QTMAN: variants seen among roughly 807,000 people sequenced by gnomAD.
The protein encoded by QTMAN is tRNA-queuosine alpha-mannosyltransferase.
chr2:144,328,733 T>C, the QTMAN span, among the ~76,000 whole-genome samples: 1 of 152,112 alleles, frequency 6.6e-6, no homozygotes, highest in Non-Finnish European at 1.5e-5. Flanking sequence ...CATCCTACTC[T>C]ACCGTACAAC....
the QTMAN span, among the ~76,000 whole-genome samples, chr2:144,254,412 A>T: frequency 1.3e-5 from 2 of 152,054 alleles, no homozygotes; most frequent in Non-Finnish European, 2.9e-5. Flanking sequence ...ACAGGGTGAG[A>T]CTCTGTCTCT....
At chr2:144,209,617 CAG>C in the QTMAN span, among the ~76,000 whole-genome samples, 1 of 152,138 alleles carries the variant, frequency 6.6e-6, no homozygotes. Context: ...AATTTCATCA[CAG>C]AGAATTAGCT....
the QTMAN span, among the ~76,000 whole-genome samples, chr2:144,245,479 A>C: frequency 6.6e-6 from 1 of 152,224 alleles, no homozygotes; most frequent in African/African-American, 2.4e-5. Context: ...CTACTTAAGA[A>C]AGACTCTGGT....
chr2:144,043,435 AT>A, the QTMAN span, among the ~76,000 whole-genome samples: 1 of 152,240 alleles, frequency 6.6e-6, no homozygotes, highest in Admixed American at 6.5e-5. Flanking sequence ...GGAGTTCAAG[AT>A]CAGCTTGGTC....
the QTMAN span, among the ~76,000 whole-genome samples, chr2:144,156,560 T>G: frequency 6.6e-6 from 1 of 152,086 alleles, no homozygotes; most frequent in Non-Finnish European, 1.5e-5. Flanking sequence ...AATTCTCATT[T>G]TAATATTAAT....
At chr2:144,169,968 C>A in the QTMAN span, among the ~76,000 whole-genome samples, 1 of 151,986 alleles carries the variant, frequency 6.6e-6, no homozygotes, top group South Asian at 2.1e-4. Flanking sequence ...GAATATCTTA[C>A]CCCAGTTTTT....
the QTMAN span, among the ~76,000 whole-genome samples, chr2:143,961,502 C>G: frequency 3.3e-5 from 5 of 152,084 alleles, no homozygotes; most frequent in African/African-American, 1.2e-4. Context: ...TCGATCTTTT[C>G]CATTAATTAA....
the QTMAN span, among the ~76,000 whole-genome samples, chr2:144,302,892 A>C: frequency 6.6e-6 from 1 of 152,174 alleles, no homozygotes; most frequent in African/African-American, 2.4e-5. Flanking sequence ...ACTTGAGGTC[A>C]GGAGTTCGAG....
the QTMAN span, among the ~76,000 whole-genome samples, chr2:144,219,996 T>C: frequency 6.6e-6 from 1 of 152,204 alleles, no homozygotes; most frequent in Non-Finnish European, 1.5e-5. Context: ...CTATATATAT[T>C]TTTAATAATC....
At chr2:144,133,428 A>AATATATAATATATTATATATAAT in the QTMAN span, among the ~76,000 whole-genome samples, 1 of 45,020 alleles carries the variant, frequency 2.2e-5, no homozygotes, top group Admixed American at 4.9e-4. Flanking sequence ...TAATATATAT[A>AATATATAATATATTATATATAAT]ATATATAATA....
chr2:144,248,315 C>A, the QTMAN span, among the ~76,000 whole-genome samples: 15 of 152,112 alleles, frequency 9.9e-5, no homozygotes, highest in African/African-American at 3.4e-4. Flanking sequence ...CAGCTAAGAA[C>A]AAAACAATGA....
the QTMAN span, among the ~76,000 whole-genome samples, chr2:144,324,300 A>G: frequency 6.6e-6 from 1 of 152,190 alleles, no homozygotes; most frequent in South Asian, 2.1e-4. Flanking sequence ...GATTTTTACT[A>G]ATTTGATTAC....
the QTMAN span, among the ~76,000 whole-genome samples, chr2:143,984,786 C>T: frequency 6.6e-6 from 1 of 152,178 alleles, no homozygotes; most frequent in African/African-American, 2.4e-5. Context: ...AGGAGTTTGG[C>T]TGGGGATGGC....
the QTMAN span, among the ~76,000 whole-genome samples, chr2:144,293,855 C>G: frequency 3.0e-4 from 45 of 152,294 alleles, no homozygotes; most frequent in Middle Eastern, 3.4e-3. Flanking sequence ...GGCTTTTTAA[C>G]TCCCAAGAAT....
the QTMAN span, among the ~76,000 whole-genome samples, chr2:144,103,017 G>C: frequency 6.6e-6 from 1 of 152,120 alleles, no homozygotes; most frequent in Non-Finnish European, 1.5e-5. Context: ...AGAAAATTCT[G>C]AGAGTCCTAA....
At chr2:144,054,982 AT>A in the QTMAN span, among the ~76,000 whole-genome samples, 1 of 152,204 alleles carries the variant, frequency 6.6e-6, no homozygotes, top group African/African-American at 2.4e-5. Flanking sequence ...GTTTAATAAG[AT>A]TGCAAAATCC....
chr2:144,038,910 T>C, the QTMAN span, among the ~76,000 whole-genome samples: 1 of 152,198 alleles, frequency 6.6e-6, no homozygotes, highest in Admixed American at 6.5e-5. Flanking sequence ...CTACTTTCTG[T>C]CAGAAAAAAC....
the QTMAN span, among the ~76,000 whole-genome samples, chr2:144,009,607 G>T: frequency 6.6e-6 from 1 of 152,062 alleles, no homozygotes; most frequent in Non-Finnish European, 1.5e-5. Context: ...GTAATAAAGA[G>T]ATGATTGTAT....
At chr2:143,957,846 G>C in the QTMAN span, among the ~76,000 whole-genome samples, 1 of 152,030 alleles carries the variant, frequency 6.6e-6, no homozygotes, top group Non-Finnish European at 1.5e-5. Context: ...CACTTAGAAG[G>C]AGTGAAAAAA....
Sources: allele counts gnomAD v4.1 joint callset (sites outside exome capture counted in the v4.1 genomes callset), GRCh38; gene constraint gnomAD v4.1.1; transcripts MANE v1.5; gene names NCBI Gene and HGNC (gene_info 2026-07-23, HGNC 2026-07-21).